Variants in ASAP1 observed in about 807,000 individuals in gnomAD.
The protein encoded by ASAP1 is arf-GAP with SH3 domain, ANK repeat and PH domain-containing protein 1.
A neutral mutation model predicts 145.2 loss-of-function variants in ASAP1; 43 were observed. The ratio of observed to expected loss-of-function variants is 0.30; its 90% CI spans 0.23 to 0.38. The LOEUF is 0.38. Among genes scored for constraint, ASAP1 ranks in the 10% least tolerant of loss-of-function variants. ASAP1 has a pLI of 1.00. For synonymous variants in ASAP1, 546 were observed against 515.5 expected (o/e 1.06, Z -0.80); for missense variants, 1,018 against 1,355.3 (o/e 0.75, Z 3.91).
intron 27 of ASAP1, among the ~76,000 whole-genome samples, chr8:130,072,791 ATATGTG>A (rs2097450071): frequency 1.1e-5 from 1 of 91,164 alleles, no homozygotes; most frequent in Admixed American, 1.2e-4. Flanking sequence ...CTTGCAATTG[ATATGTG>A]TGTGTGTGTG....
intron 24 of ASAP1, among the ~76,000 whole-genome samples, chr8:130,095,251 A>C (rs932296914): frequency 3.3e-5 from 5 of 151,696 alleles, no homozygotes; most frequent in Non-Finnish European, 5.9e-5. Flanking sequence ...TTTACTGAAT[A>C]AATAGAAGAC....
At chr8:130,148,738 C>T (rs1185017107) in intron 13 of ASAP1, among the ~76,000 whole-genome samples, 1 of 152,144 alleles carries the variant, frequency 6.6e-6, no homozygotes, top group Non-Finnish European at 1.5e-5. Context: ...TTTATTTATA[C>T]TACAATACTT....
intron 3 of ASAP1, among the ~76,000 whole-genome samples, chr8:130,348,747 G>C (rs891865092): frequency 1.9e-4 from 29 of 152,106 alleles, no homozygotes; most frequent in African/African-American, 7.0e-4. Context: ...AATTTCTTGT[G>C]GTCTCAGTGC....
intron 3 of ASAP1, among the ~76,000 whole-genome samples, chr8:130,338,743 C>T (rs920114810): frequency 9.9e-5 from 15 of 152,130 alleles, no homozygotes; most frequent in Non-Finnish European, 2.2e-4. Flanking sequence ...GAGGACAATC[C>T]CATCTCCCCT....
intron 3 of ASAP1, among the ~76,000 whole-genome samples, chr8:130,312,579 A>T (rs1823424109): frequency 6.6e-6 from 1 of 152,214 alleles, no homozygotes; most frequent in African/African-American, 2.4e-5. Context: ...GGCCCAAGGC[A>T]TACACAGGCA....
At chr8:130,337,337 A>T (rs1269578435) in intron 3 of ASAP1, among the ~76,000 whole-genome samples, 1 of 152,186 alleles carries the variant, frequency 6.6e-6, no homozygotes, top group African/African-American at 2.4e-5. Flanking sequence ...TTAATCAGTA[A>T]TTGGGTTGAT....
rs568687531 is a variant in ASAP1, at chr8:130,407,222, T to G, written c.-27-5252A>C. On this transcript the variant is annotated intron_variant, in intron 1 of 29. Coordinates refer to ENST00000518721, the MANE Select transcript of ASAP1 (RefSeq NM_018482.4). ...CAGACATTGAGGAACGTGTCCAAGG[T>G]TATTGCTTGGGCACCTCAGGCTCAA... Among the ~76,000 whole-genome samples the G allele has an allele frequency of 3.3e-5, 5 of 152,264 alleles. No individual in the cohort carries two copies. The South Asian group carries it at 1.0e-3, about 32-fold the overall frequency.
rs2097398026 is a variant in ASAP1 at position 130,053,860 on chromosome 8, T to C, written c.*871A>G. 6.6e-6 allele frequency: 1 copy of C among 152,284 alleles called. No homozygotes were observed. Among genetic ancestry groups the C allele is most frequent in the Non-Finnish European group, 1.5e-5 (1 of 68,034 alleles). The allele number at this position is 152,284 out of a possible 1,614,324, so 9.4% of individuals were successfully genotyped here. A position where few individuals can be genotyped will look rare whatever the true frequency, so the allele number is the denominator to read the frequency against. ...TTTCTGCTTTAATGGCAATCAAGTTTAAAAAATGTACAATTCCACTTATCC... is the reference window on the plus strand; with the variant it reads ...TTTCTGCTTTAATGGCAATCAAGTTCAAAAAATGTACAATTCCACTTATCC... On this transcript the variant is annotated 3_prime_UTR_variant, in exon 30 of 30. Transcript: ENST00000518721.
chr8:130,205,382 G>GAAAAAAA (rs771590453), intron 5 of ASAP1, among the ~76,000 whole-genome samples: 90 of 56,430 alleles, frequency 1.6e-3, no homozygotes, highest in East Asian at 3.3e-3. Flanking sequence ...ATCCTTATAA[G>GAAAAAAA]AAAAAAAAAA....
At chr8:130,232,384 C>T (rs1297333734) in intron 4 of ASAP1, among the ~76,000 whole-genome samples, 1 of 152,168 alleles carries the variant, frequency 6.6e-6, no homozygotes, top group East Asian at 1.9e-4. Flanking sequence ...AGAGGGACCA[C>T]TAAGGCAGAC....
Position 130,070,873 on chromosome 8 carries a change from GA to G in ASAP1, c.2701+5474del, listed in dbSNP as rs1564925285. On this transcript the variant is annotated intron_variant, in intron 27 of 29. Coordinates refer to ENST00000518721, the MANE Select transcript of ASAP1 (RefSeq NM_018482.4). ...GGAGAGAGAGGGAGAGAGGGAGAGA[GA>G]GGGAGAGAGGGAGAGAGGGAGAGAG... is the stretch of plus-strand genomic sequence containing the variant. Among the ~76,000 whole-genome samples the G allele has an allele frequency of 1.5e-3, 40 of 26,412 alleles. 4 individuals are homozygous for G. The highest frequency in any genetic ancestry group is 5.7e-3 in the East Asian group (3 of 528). The allele number at this position is 26,412 out of a possible 152,430, so 17.3% of individuals were successfully genotyped here.
chr8:130,405,286 A>G (rs941503559), intron 1 of ASAP1, among the ~76,000 whole-genome samples: 2 of 151,450 alleles, frequency 1.3e-5, no homozygotes, highest in Non-Finnish European at 2.9e-5. Context: ...TGAAAAAATC[A>G]TAACTCACAA....
At position 130,204,594 on chromosome 8, in the gene ASAP1, T is replaced by C. The variant is rs116649527; in HGVS notation, c.405+9962A>G. On this transcript the variant is annotated intron_variant, in intron 5 of 29. Transcript: ENST00000518721. ...CATTTCCAGGTCTCCTGCAGCTAGG[T>C]AGGTGGGGCCAAGATCACAGTTCAA... 2.6e-3 allele frequency among the ~76,000 whole-genome samples: 400 copies of C among 152,186 alleles called. 2 individuals carry two copies. Among genetic ancestry groups the C allele is most frequent in the African/African-American group, 9.4e-3 (391 of 41,514 alleles).
intron 3 of ASAP1, 113 bp downstream of exon 3, chr8:130,357,904 G>C (rs371314814): frequency 2.1e-6 from 3 of 1,410,828 alleles, no homozygotes; most frequent in South Asian, 2.6e-5. Context: ...CTCCCTGAGG[G>C]GGTGTGGCGC....
chr8:130,267,803 T>G (rs1052011910), intron 3 of ASAP1, among the ~76,000 whole-genome samples: 1 of 152,146 alleles, frequency 6.6e-6, no homozygotes, highest in Non-Finnish European at 1.5e-5. Flanking sequence ...TTCCCGTAAG[T>G]AGTCTATACA....
chr8:130,130,289 C>T (rs985257149), intron 15 of ASAP1, among the ~76,000 whole-genome samples: 1 of 152,140 alleles, frequency 6.6e-6, no homozygotes, highest in African/African-American at 2.4e-5. Context: ...GCCTAAGGTT[C>T]TAGGCTGGAT....
At chr8:130,283,831 T>G (rs1356998499) in intron 3 of ASAP1, among the ~76,000 whole-genome samples, 1 of 152,148 alleles carries the variant, frequency 6.6e-6, no homozygotes, top group Admixed American at 6.5e-5. Flanking sequence ...AGTAGATGTC[T>G]AAATTGAAAA....
intron 26 of ASAP1, among the ~76,000 whole-genome samples, chr8:130,078,294 C>T (rs1429239742): frequency 6.6e-6 from 1 of 150,696 alleles, no homozygotes; most frequent in African/African-American, 2.4e-5. Flanking sequence ...AGCCACTGTG[C>T]CCTGCCAAAA....
chr8:130,414,899 G>C (rs1829412584), intron 1 of ASAP1, among the ~76,000 whole-genome samples: 1 of 151,982 alleles, frequency 6.6e-6, no homozygotes, highest in Non-Finnish European at 1.5e-5. Context: ...CAGGATTATG[G>C]GCATACGCCA....
Sources: gnomAD v4.1 joint callset for allele counts (sites outside exome capture counted in the v4.1 genomes callset) on GRCh38, gnomAD v4.1.1 for gene constraint, MANE v1.5 for transcripts, NCBI Gene and HGNC (gene_info 2026-07-23, HGNC 2026-07-21) for gene names.